Variants in RUBCNL observed in about 807,000 individuals in gnomAD.
The protein encoded by RUBCNL is protein associated with UVRAG as autophagy enhancer.
In RUBCNL, 62 loss-of-function variants were observed where a neutral mutation model predicts 69.5. The observed-to-expected ratio is 0.89, with a 90% CI of 0.73 to 1.10. The LOEUF (loss-of-function observed/expected upper bound fraction) is 1.10. RUBCNL is among the 50% of genes least tolerant of loss of function. The probability of loss-of-function intolerance (pLI) is 0.00; values close to 1 mark genes in which losing one functional copy is unlikely to be tolerated. For missense variants in RUBCNL, 768 were observed against 798.1 expected (o/e 0.96, Z 0.45); for synonymous variants, 291 against 303.6 (o/e 0.96, Z 0.43).
At chr13:46,385,714 T>C (rs1397364107) in intron 1 of RUBCNL, among the ~76,000 whole-genome samples, 2 of 151,658 alleles carry the variant, frequency 1.3e-5, no homozygotes, top group African/African-American at 4.8e-5. Flanking sequence ...TGTTTAACCT[T>C]GGCTCCGACA....
Position 46,386,572 on chromosome 13 carries a change from G to C in RUBCNL, c.-239+562C>G, listed in dbSNP as rs544212924. ...GGGCGGGTTGGGGGAACGCCCGCCT[G>C]ACCGTGTCCGGCGTGGCGGGGGGTT... On this transcript the variant is annotated intron_variant, in intron 1 of 14. Coordinates refer to ENST00000429979, the MANE Select transcript of RUBCNL (RefSeq NM_025113.5). 1.6e-3 allele frequency among the ~76,000 whole-genome samples: 215 copies of C among 137,792 alleles called. 1 individual carries two copies. Among genetic ancestry groups the C allele is most frequent in the African/African-American group, 5.4e-3 (203 of 37,620 alleles). The allele number at this position is 137,792 out of a possible 152,430, so 90.4% of individuals were successfully genotyped here.
intron 9 of RUBCNL, among the ~76,000 whole-genome samples, chr13:46,357,188 C>T (rs1354987626): frequency 6.6e-6 from 1 of 151,570 alleles, no homozygotes; most frequent in Non-Finnish European, 1.5e-5. Flanking sequence ...AAAAAATTAG[C>T]CGGGCGTGGT....
chr13:46,362,939 G>GTATATATATATATAT (rs2048653456), intron 6 of RUBCNL, among the ~76,000 whole-genome samples, 176 bp downstream of exon 6: 1 of 41,504 alleles, frequency 2.4e-5, no homozygotes, highest in African/African-American at 1.9e-4. Flanking sequence ...TATATATATA[G>GTATATATATATATAT]ATATATATAT....
At chr13:46,347,686 A>C (rs556062881) in intron 12 of RUBCNL, among the ~76,000 whole-genome samples, 1 of 152,298 alleles carries the variant, frequency 6.6e-6, no homozygotes, top group Non-Finnish European at 1.5e-5. Flanking sequence ...AATATTATTC[A>C]AACTTAAGAA....
In RUBCNL at chr13:46,368,167, G is replaced by A; in HGVS notation, c.701C>T (p.Thr234Ile). The change falls in exon 5 of 15, where the codon ACA (threonine) becomes ATA (isoleucine). Residue 234 changes from threonine (T) to isoleucine (I), a missense_variant. Thr to Ile is a moderately conservative substitution (Grantham distance 89). Transcript: ENST00000429979. Reference protein sequence around the residue: ...MKCNILSQQQTESWSKEVSGL... With the variant: ...MKCNILSQQQIESWSKEVSGL... ...ACTGACTTCTTTACTCCAGCTCTCT[G>A]TCTGCTGTTGACTCAGAATGTTACA... The A allele has an allele frequency of 1.2e-6, 2 of 1,613,920 alleles. No homozygotes were observed. Among genetic ancestry groups the A allele is most frequent in the Middle Eastern group, 1.6e-4 (1 of 6,062 alleles).
At chr13:46,385,518 A>G (rs2138862146) in intron 1 of RUBCNL, among the ~76,000 whole-genome samples, 1 of 152,322 alleles carries the variant, frequency 6.6e-6, no homozygotes, top group Non-Finnish European at 1.5e-5. Flanking sequence ...GTTCCATATT[A>G]GAAATAAGAA....
At position 46,368,791 on chromosome 13, in the gene RUBCNL, GTTC is replaced by G; in HGVS notation, c.557_559del (p.Arg186del). On this transcript the variant is annotated inframe_deletion, in exon 4 of 15. Transcript: ENST00000429979. ...TGGTGAGAAGGAATTCGAAGAAATG[GTTC>G]TTCTACTGACTTGAACAGCACCTGC... 6.2e-7 allele frequency: 1 copy of G among 1,613,628 alleles called. No individual in the cohort carries two copies. The highest frequency in any genetic ancestry group is 2.2e-5 in the East Asian group (1 of 44,852).
intron 3 of RUBCNL, among the ~76,000 whole-genome samples, chr13:46,369,127 G>A (rs925375122): frequency 1.3e-5 from 2 of 152,162 alleles, no homozygotes; most frequent in Non-Finnish European, 2.9e-5. Flanking sequence ...ACAGGGGCTG[G>A]GGTAAAGTGA....
intron 10 of RUBCNL, among the ~76,000 whole-genome samples, chr13:46,353,011 C>T (rs573455533): frequency 6.7e-4 from 102 of 152,210 alleles, no homozygotes; most frequent in African/African-American, 2.5e-3. Context: ...TTAGGCAACA[C>T]GCAGGGCCAC....
chr13:46,359,678 A>G, intron 8 of RUBCNL, 47 bp from the exon 9 acceptor site: 1 of 1,441,610 alleles, frequency 6.9e-7, no homozygotes, highest in Non-Finnish European at 9.3e-7. Context: ...GCATATTTCA[A>G]AGAATTTAAA....
chr13:46,375,901 T>C (rs1204974816), intron 2 of RUBCNL, among the ~76,000 whole-genome samples: 3 of 152,230 alleles, frequency 2.0e-5, no homozygotes, highest in Non-Finnish European at 4.4e-5. Context: ...TCTGTCACCA[T>C]GAGGCAGCAA....
chr13:46,373,099 G>A (rs866367596), intron 2 of RUBCNL, among the ~76,000 whole-genome samples: 9 of 151,704 alleles, frequency 5.9e-5, no homozygotes, highest in Admixed American at 2.0e-4. Flanking sequence ...TCAGCCTCCC[G>A]AGCAGCTGGG....
rs201813662 is a variant in RUBCNL, at chr13:46,335,260, G to T, written c.*8125C>A. 0.034 allele frequency among the ~76,000 whole-genome samples: 3,435 copies of T among 101,678 alleles called. 377 individuals carry two copies. Among genetic ancestry groups the T allele is most frequent in the African/African-American group, 0.14 (3,161 of 23,368 alleles). The allele number at this position is 101,678 out of a possible 152,430, so 66.7% of individuals were successfully genotyped here. A position where few individuals can be genotyped will look rare whatever the true frequency, so the allele number is the denominator to read the frequency against. ...GTGTCTTTTTGTTGTTGTTGTTGTT[G>T]TTTTTTTTTTTTTTTTTTTTTTTTT... On this transcript the variant is annotated 3_prime_UTR_variant, in exon 15 of 15. Coordinates refer to ENST00000429979, the MANE Select transcript of RUBCNL (RefSeq NM_025113.5).
In RUBCNL at chr13:46,345,450, A is replaced by C; in HGVS notation, c.1782T>G (p.Cys594Trp). The C allele has an allele frequency of 6.4e-7, 1 of 1,558,044 alleles. No homozygotes were observed. Among genetic ancestry groups the C allele is most frequent in the Non-Finnish European group, 8.7e-7 (1 of 1,151,028 alleles). Reference sequence around the variant, plus strand: ...TCTGCTCTGGGTGCACCCTCACCTCACAGCCAGCCACATGTGCAAGGGAAG... The same window carrying C: ...TCTGCTCTGGGTGCACCCTCACCTCCCAGCCAGCCACATGTGCAAGGGAAG... ...LKASLAHVAG[C>W]ELCQGKGFIC... The change falls in exon 13 of 15, where the codon TGT becomes TGG. Residue 594 changes from cysteine (C) to tryptophan (W), a missense_variant. Coordinates refer to ENST00000429979, the MANE Select transcript of RUBCNL (RefSeq NM_025113.5).
At position 46,338,196 on chromosome 13, in the gene RUBCNL, T is replaced by C. The variant is rs562978816; in HGVS notation, c.*5189A>G. Among the ~76,000 whole-genome samples the C allele has an allele frequency of 2.6e-5, 4 of 152,224 alleles. No individual in the cohort carries two copies. Among genetic ancestry groups the C allele is most frequent in the Non-Finnish European group, 5.9e-5 (4 of 68,032 alleles). On this transcript the variant is annotated 3_prime_UTR_variant, in exon 15 of 15. Coordinates refer to ENST00000429979, the MANE Select transcript of RUBCNL (RefSeq NM_025113.5). The stretch of plus-strand genomic sequence containing the variant: ...GGTCCACATGCCATATATCCAAGTA[T>C]TTAAAATTTGAAATATGTTTTATCT...
In RUBCNL at chr13:46,350,487, C is replaced by T. The variant is rs1048854186; in HGVS notation, c.1331-136G>A. On this transcript the variant is annotated intron_variant, in intron 10 of 14. Coordinates refer to ENST00000429979, the MANE Select transcript of RUBCNL (RefSeq NM_025113.5). The stretch of plus-strand genomic sequence containing the variant: ...ATGATGATAAAGCCATACTCAACCT[C>T]ATGACAGCTGGGAAGGCTCCAGCAG... 1.5e-5 allele frequency: 10 copies of T among 647,700 alleles called. No homozygotes were observed. In the African/African-American group the frequency reaches 1.6e-4, roughly 11 times the overall value. The allele number at this position is 647,700 out of a possible 1,614,324, so 40.1% of individuals were successfully genotyped here.
At chr13:46,358,302 T>C (rs1025011584) in intron 9 of RUBCNL, among the ~76,000 whole-genome samples, 7 of 152,210 alleles carry the variant, frequency 4.6e-5, no homozygotes, top group Non-Finnish European at 8.8e-5. Flanking sequence ...ACCGGTCCCT[T>C]TGTAATGCTT....
chr13:46,344,533 C>A (rs1200620097), intron 14 of RUBCNL, among the ~76,000 whole-genome samples: 1 of 152,190 alleles, frequency 6.6e-6, no homozygotes, highest in Admixed American at 6.5e-5. Context: ...TTTATCCCTG[C>A]CCCACCCAAA....
chr13:46,384,839 G>T (rs758982146), intron 1 of RUBCNL, among the ~76,000 whole-genome samples: 1 of 152,164 alleles, frequency 6.6e-6, no homozygotes, highest in Non-Finnish European at 1.5e-5. Flanking sequence ...TTCATTCAAT[G>T]TAGAATTATT....
Sources: gnomAD v4.1 joint callset for allele counts (sites outside exome capture counted in the v4.1 genomes callset) on GRCh38, gnomAD v4.1.1 for gene constraint, MANE v1.5 for transcripts, NCBI Gene and HGNC (gene_info 2026-07-23, HGNC 2026-07-21) for gene names.